The following PLCG2 variants were observed in gnomAD, a reference collection of about 807,000 sequenced individuals.
PLCG2 encodes phospholipase C gamma 2.
In PLCG2, 69 loss-of-function variants were observed where a neutral mutation model predicts 175.6. The observed-to-expected ratio is 0.39, with a 90% CI of 0.32 to 0.48. The LOEUF (loss-of-function observed/expected upper bound fraction) is 0.48. Ranked by LOEUF, PLCG2 falls within the 20% of genes least tolerant of loss-of-function variation. PLCG2 has a pLI of 0.91. For synonymous variants in PLCG2, 827 were observed against 624.0 expected, an observed-to-expected ratio of 1.33 and a Z score of -4.85; for missense variants, 1,798 against 1,650.9, an observed-to-expected ratio of 1.09 and a Z score of -1.54.
At chr16:81,780,860 C>G (rs747430732) in intron 1 of PLCG2, among the ~76,000 whole-genome samples, 2 of 152,184 alleles carry the variant, frequency 1.3e-5, no homozygotes, top group Non-Finnish European at 2.9e-5. Context: ...AACCCCATCT[C>G]TACTAAAACT....
intron 16 of PLCG2, among the ~76,000 whole-genome samples, chr16:81,908,031 C>T (rs1172559672): frequency 1.3e-5 from 2 of 152,188 alleles, no homozygotes; most frequent in Admixed American, 6.5e-5. Context: ...TAGATGGAGG[C>T]CGGTGCTCTG....
At chr16:81,919,346 T>C (rs1043555093) in intron 19 of PLCG2, 138 bp from the exon 20 acceptor site, 44 of 628,764 alleles carry the variant, frequency 7.0e-5, no homozygotes, top group Non-Finnish European at 1.2e-4. Context: ...TTGTATTCCA[T>C]AGGAGGACTA....
At chr16:81,758,971 C>G (rs933194221) in intron 2 of PLCG2, among the ~76,000 whole-genome samples, 7 of 152,216 alleles carry the variant, frequency 4.6e-5, no homozygotes, top group African/African-American at 1.7e-4. Flanking sequence ...AGCCACCGCA[C>G]CCGGCTATCG....
chr16:81,962,563 A>G lies in PLCG2; in HGVS notation c.*4565A>G. 1 of 220,420 alleles carries G rather than the reference A, an allele frequency of 4.5e-6. No individual in the cohort carries two copies. The highest frequency in any genetic ancestry group is 6.7e-5 in the East Asian group (1 of 14,902). The allele number at this position is 220,420 out of a possible 1,614,324, so 13.7% of individuals were successfully genotyped here. ...AAAGCTTAATTTATTTTTTATATAAATAGTATGTGCTTTGTGTACATAGAG... is the reference window on the plus strand; with the variant it reads ...AAAGCTTAATTTATTTTTTATATAAGTAGTATGTGCTTTGTGTACATAGAG... On this transcript the variant is annotated 3_prime_UTR_variant, in exon 33 of 33. Coordinates refer to ENST00000564138, the MANE Select transcript of PLCG2 (RefSeq NM_002661.5).
intron 2 of PLCG2, among the ~76,000 whole-genome samples, chr16:81,833,499 G>GTT (rs1235833354): frequency 7.7e-6 from 1 of 129,148 alleles, no homozygotes; most frequent in African/African-American, 2.8e-5. Context: ...ACTCCTGCCT[G>GTT]TTTTTTTTTT....
At position 81,959,832 on chromosome 16, in the gene PLCG2, A is replaced by T. The variant is rs1202309824; in HGVS notation, c.*1834A>T. 1.6e-5 allele frequency: 3 copies of T among 186,404 alleles called. No individual in the cohort carries two copies. The highest frequency in any genetic ancestry group is 3.4e-5 in the Non-Finnish European group (3 of 88,322). 11.5% of individuals were successfully genotyped at this position (186,404 alleles called of 1,614,324 possible). On this transcript the variant is annotated 3_prime_UTR_variant, in exon 33 of 33. Coordinates refer to ENST00000564138, the MANE Select transcript of PLCG2 (RefSeq NM_002661.5). ...CCCAACCCCTCTCAGCTCTGTTAGG[A>T]CTTCCACACAGCAGAGCTCAGGTGT...
chr16:81,840,389 G>T (rs972778382), intron 2 of PLCG2, among the ~76,000 whole-genome samples: 2 of 152,150 alleles, frequency 1.3e-5, no homozygotes, highest in African/African-American at 4.8e-5. Flanking sequence ...ATAGTGTGAG[G>T]ATGATTCAAG....
chr16:81,772,942 A>G (rs1910315579), intron 2 of PLCG2, among the ~76,000 whole-genome samples: 1 of 152,140 alleles, frequency 6.6e-6, no homozygotes, highest in Non-Finnish European at 1.5e-5. Flanking sequence ...CCACTGCAGG[A>G]CCCTGCAGAC....
chr16:81,827,766 T>C (rs930523457), intron 2 of PLCG2, among the ~76,000 whole-genome samples: 1 of 151,938 alleles, frequency 6.6e-6, no homozygotes, highest in Admixed American at 6.6e-5. Context: ...GAAATGTAGG[T>C]TGTTACTGTG....
intron 2 of PLCG2, among the ~76,000 whole-genome samples, chr16:81,764,874 G>A (rs930036137): frequency 6.6e-6 from 1 of 152,076 alleles, no homozygotes; most frequent in East Asian, 1.9e-4. Flanking sequence ...CAGATCACTT[G>A]AGCTCAGGAG....
At chr16:81,904,794 C>T (rs1056188797) in intron 14 of PLCG2, among the ~76,000 whole-genome samples, 1 of 152,220 alleles carries the variant, frequency 6.6e-6, no homozygotes, top group African/African-American at 2.4e-5. Context: ...AGAAGACAAA[C>T]ACATGGTGTG....
At chr16:81,944,582 A>G (rs1013435726) in intron 30 of PLCG2, among the ~76,000 whole-genome samples, 2 of 152,184 alleles carry the variant, frequency 1.3e-5, no homozygotes, top group African/African-American at 4.8e-5. Context: ...CTCCTGCCTC[A>G]GTCTTCCTAG....
At chr16:81,740,892 G>A (rs1909579355) in intron 1 of PLCG2, among the ~76,000 whole-genome samples, 1 of 152,170 alleles carries the variant, frequency 6.6e-6, no homozygotes, top group Non-Finnish European at 1.5e-5. Context: ...GTTCTCTTGA[G>A]TCCCTGGATT....
chr16:81,834,456 C>A (rs1009212221), intron 2 of PLCG2, among the ~76,000 whole-genome samples: 9 of 152,168 alleles, frequency 5.9e-5, no homozygotes, highest in African/African-American at 2.2e-4. Context: ...GCTTGCCCAA[C>A]CTGCCTGAGC....
At chr16:81,926,073 C>G (rs1175209323) in intron 22 of PLCG2, among the ~76,000 whole-genome samples, 1 of 138,542 alleles carries the variant, frequency 7.2e-6, no homozygotes, top group Non-Finnish European at 1.6e-5. Context: ...AATGCCCAAG[C>G]TGAGTCTTAA....
intron 19 of PLCG2, among the ~76,000 whole-genome samples, chr16:81,914,389 C>A (rs1045851578): frequency 1.3e-5 from 2 of 152,172 alleles, no homozygotes; most frequent in Non-Finnish European, 2.9e-5. Context: ...TGGCCCCCTC[C>A]CTGAGCCAGG....
At position 81,870,860 on chromosome 16, in the gene PLCG2, A is replaced by T; in HGVS notation, c.573A>T (p.Gly191=). The T allele has an allele frequency of 6.3e-7, 1 of 1,589,714 alleles. No individual in the cohort carries two copies. Among genetic ancestry groups the T allele is most frequent in the Admixed American group, 1.7e-5 (1 of 57,186 alleles). ...TTTTTTCATATTTACAGGAAATAGGAGCACACAAAGATGAGCTCAGCTTTG... is the reference window on the plus strand; with the variant it reads ...TTTTTTCATATTTACAGGAAATAGGTGCACACAAAGATGAGCTCAGCTTTG... The part of the protein sequence containing the change: ...KFLKDKFVEI[G]AHKDELSFEQ... The change falls in exon 7 of 33, where the codon GGA becomes GGT. Residue 191 remains glycine (G), a synonymous_variant. Transcript: ENST00000564138.
intron 2 of PLCG2, among the ~76,000 whole-genome samples, chr16:81,819,195 C>T (rs770032040): frequency 3.1e-4 from 47 of 151,954 alleles, no homozygotes; most frequent in Non-Finnish European, 6.0e-4. Flanking sequence ...TGTTGGGTGC[C>T]GGGCTGCTTC....
At chr16:81,801,003 G>T (rs1911694512) in intron 2 of PLCG2, among the ~76,000 whole-genome samples, 1 of 152,134 alleles carries the variant, frequency 6.6e-6, no homozygotes, top group Non-Finnish European at 1.5e-5. Context: ...GCTGGAAAAG[G>T]CAAAGGAACT....
Sources: gnomAD v4.1 joint callset for allele counts (sites outside exome capture counted in the v4.1 genomes callset) on GRCh38, gnomAD v4.1.1 for gene constraint, MANE v1.5 for transcripts, NCBI Gene and HGNC (gene_info 2026-07-23, HGNC 2026-07-21) for gene names.